The following PRKN variants were observed in gnomAD, a reference collection of about 807,000 sequenced individuals.
PRKN encodes parkin RBR E3 ubiquitin protein ligase.
In PRKN, 56 loss-of-function variants were observed where a neutral mutation model predicts 59.5. The ratio of observed to expected loss-of-function variants is 0.94; its 90% CI spans 0.76 to 1.18. PRKN has a LOEUF of 1.18. Ranked by LOEUF, PRKN falls within the 50% of genes most tolerant of loss-of-function variation. The pLI is 0.00. For synonymous variants in PRKN, 250 were observed against 222.1 expected (o/e 1.13, Z -1.12); for missense variants, 657 against 596.4 (o/e 1.10, Z -1.06).
rs1562461677 is a variant in PRKN at position 161,456,543 on chromosome 6, C to T, written c.1084-69666G>A. ...GACTTCTCCTTGTGATCGTGTGAGT[C>T]AATTCTCCTTAATAAATGCCCCTTC... On this transcript the variant is annotated intron_variant, in intron 9 of 11. Coordinates refer to ENST00000366898, the MANE Select transcript of PRKN (RefSeq NM_004562.3). The surrounding 1 kb of genome is among the most constrained non-coding windows in gnomAD (Gnocchi z 4.8). Among the ~76,000 whole-genome samples, 1 of 152,124 alleles carries T rather than the reference C, an allele frequency of 6.6e-6. No homozygotes were observed.
chr6:162,295,928 G>A (rs1292682776), intron 2 of PRKN, among the ~76,000 whole-genome samples: 3 of 152,134 alleles, frequency 2.0e-5, no homozygotes, highest in Non-Finnish European at 4.4e-5. Context: ...CTAATTGAGA[G>A]TGGATACCCA....
At chr6:162,302,973 C>CACACACACACACACAA (rs1782031035) in intron 2 of PRKN, among the ~76,000 whole-genome samples, 1 of 133,442 alleles carries the variant, frequency 7.5e-6, no homozygotes, top group African/African-American at 3.4e-5. Flanking sequence ...TACACACACA[C>CACACACACACACACAA]ACACACACAC....
Position 161,470,298 on chromosome 6 carries a change from T to C in PRKN, c.1083+78556A>G, listed in dbSNP as rs777509279. On this transcript the variant is annotated intron_variant, in intron 9 of 11. Transcript: ENST00000366898. This position sits in a 1 kb window ranked among gnomAD's most constrained non-coding sequence, Gnocchi z 5.1. ...AGGCCCATTAGGGTATTATTTAATG[T>C]AGTCACTCATCTAAATCTTCATTCC... Among the ~76,000 whole-genome samples the C allele has an allele frequency of 6.6e-6, 1 of 152,236 alleles. No individual in the cohort carries two copies. The highest frequency in any genetic ancestry group is 6.5e-5 in the Admixed American group (1 of 15,282).
At chr6:161,650,037 A>T (rs778721142) in intron 7 of PRKN, among the ~76,000 whole-genome samples, 3 of 152,202 alleles carry the variant, frequency 2.0e-5, no homozygotes, top group Non-Finnish European at 4.4e-5. Context: ...CTCAGAAGAC[A>T]GCCAACATCT....
At chr6:162,237,881 T>G (rs570435649) in intron 3 of PRKN, among the ~76,000 whole-genome samples, 1 of 152,062 alleles carries the variant, frequency 6.6e-6, no homozygotes, top group Non-Finnish European at 1.5e-5. Flanking sequence ...ACAGGCAGTC[T>G]CAGTCCAGGG....
intron 2 of PRKN, among the ~76,000 whole-genome samples, chr6:162,308,495 G>A (rs2156270): frequency 0.038 from 5,777 of 152,148 alleles, 353 homozygotes; most frequent in African/African-American, 0.13. Flanking sequence ...CGGTATCTCC[G>A]GCATGATGAG....
intron 9 of PRKN, among the ~76,000 whole-genome samples, chr6:161,450,180 G>C (rs545419775): frequency 6.6e-6 from 1 of 152,302 alleles, no homozygotes; most frequent in East Asian, 1.9e-4. Flanking sequence ...GGAGTGAAGA[G>C]GGGGAAGGTG....
chr6:161,529,111 C>T lies in PRKN; in HGVS notation c.1083+19743G>A, dbSNP rs2115378315. Among the ~76,000 whole-genome samples, 1 of 152,314 alleles carries T rather than the reference C, an allele frequency of 6.6e-6. No homozygotes were observed. Among genetic ancestry groups the T allele is most frequent in the South Asian group, 2.1e-4 (1 of 4,818 alleles). Reference sequence around the variant, plus strand: ...GTCTATGAGATATACGAGCCACAACCACAGACTCTACGCTGCGTTCCTCTC... The same window carrying T: ...GTCTATGAGATATACGAGCCACAACTACAGACTCTACGCTGCGTTCCTCTC... On this transcript the variant is annotated intron_variant, in intron 9 of 11. Transcript: ENST00000366898. The surrounding 1 kb of genome is among the most constrained non-coding windows in gnomAD (Gnocchi z 4.4).
intron 5 of PRKN, among the ~76,000 whole-genome samples, chr6:162,001,477 A>C (rs1039346561): frequency 5.3e-5 from 8 of 151,998 alleles, no homozygotes; most frequent in Non-Finnish European, 7.4e-5. Flanking sequence ...GAGGGAAGCA[A>C]TTGACGTTTG....
intron 6 of PRKN, among the ~76,000 whole-genome samples, chr6:161,964,591 AC>A (rs1780508386): frequency 6.6e-6 from 1 of 152,130 alleles, no homozygotes; most frequent in African/African-American, 2.4e-5. Context: ...TCTAGAACAT[AC>A]CCTTGTTTAT....
At chr6:161,631,767 A>G (rs1472297855) in intron 7 of PRKN, among the ~76,000 whole-genome samples, 1 of 72,306 alleles carries the variant, frequency 1.4e-5, no homozygotes, top group Non-Finnish European at 2.7e-5. Flanking sequence ...GCACACACCC[A>G]GACAAACACA....
intron 4 of PRKN, among the ~76,000 whole-genome samples, chr6:162,103,045 A>C (rs1223255944): frequency 2.0e-5 from 3 of 149,926 alleles, no homozygotes; most frequent in Non-Finnish European, 4.5e-5. Context: ...TCTGTCTCAA[A>C]AAAAAAAAAA....
At chr6:161,406,668 C>T (rs1268570265) in intron 9 of PRKN, among the ~76,000 whole-genome samples, 1 of 152,134 alleles carries the variant, frequency 6.6e-6, no homozygotes, top group Non-Finnish European at 1.5e-5. Context: ...ACTCCTTTGG[C>T]CCCAGTCATT....
Position 161,360,314 on chromosome 6 carries a change from TCGGG to T in PRKN, c.1168-113_1168-110del. ...GAAATTCTTGAAGACAGGAGTGCCTTCGGGCAAGAAGCCTAAATATCAATGCACT... is the reference window on the plus strand; with the variant it reads ...GAAATTCTTGAAGACAGGAGTGCCTTCAAGAAGCCTAAATATCAATGCACT... On this transcript the variant is annotated intron_variant, in intron 10 of 11. Transcript: ENST00000366898. The surrounding 1 kb of genome is among the most constrained non-coding windows in gnomAD (Gnocchi z 5.1). The T allele has an allele frequency of 3.4e-6, 3 of 885,548 alleles. No individual in the cohort carries two copies. The highest frequency in any genetic ancestry group is 1.6e-5 in the African/African-American group (1 of 61,196). 54.9% of individuals were successfully genotyped at this position (885,548 alleles called of 1,614,324 possible).
intron 7 of PRKN, among the ~76,000 whole-genome samples, chr6:161,707,309 G>A (rs1412339311): frequency 2.0e-5 from 3 of 152,168 alleles, no homozygotes; most frequent in African/African-American, 4.8e-5. Context: ...TGAGTAGGTC[G>A]TTGCTGCTAT....
chr6:161,420,827 A>G lies in PRKN; in HGVS notation c.1084-33950T>C, dbSNP rs137950546. Among the ~76,000 whole-genome samples, 16 of 152,302 alleles carry G rather than the reference A, an allele frequency of 1.1e-4. No homozygotes were observed. In the East Asian group the frequency reaches 3.1e-3, roughly 29 times the overall value. On this transcript the variant is annotated intron_variant, in intron 9 of 11. Transcript: ENST00000366898. ...TGATTTTACAAATGAAGAAAGCTCA[A>G]AGATGAAGTTACATGTCCAAGGTCA... is the stretch of plus-strand genomic sequence containing the variant.
chr6:162,433,453 A>G (rs1314344801), intron 2 of PRKN, among the ~76,000 whole-genome samples: 1 of 152,176 alleles, frequency 6.6e-6, no homozygotes, highest in Non-Finnish European at 1.5e-5. Flanking sequence ...TCTCATTTAT[A>G]TATAGCAATA....
chr6:162,023,215 C>T (rs974223454), intron 5 of PRKN, among the ~76,000 whole-genome samples: 3 of 152,054 alleles, frequency 2.0e-5, no homozygotes, highest in Admixed American at 6.6e-5. Flanking sequence ...CCCCAGTGGG[C>T]GTGTGTTACA....
chr6:162,339,746 T>C (rs1784074644), intron 2 of PRKN, among the ~76,000 whole-genome samples: 1 of 151,866 alleles, frequency 6.6e-6, no homozygotes, highest in Non-Finnish European at 1.5e-5. Flanking sequence ...GCCGTGTCTG[T>C]GTAGAAAGAA....
Sources: gnomAD v4.1 joint callset for allele counts (sites outside exome capture counted in the v4.1 genomes callset) on GRCh38, gnomAD v4.1.1 for gene constraint, Gnocchi (gnomAD v3.1) non-coding constraint, MANE v1.5 for transcripts, NCBI Gene and HGNC (gene_info 2026-07-23, HGNC 2026-07-21) for gene names.